Variants in ATXN2 observed in about 807,000 individuals in gnomAD.
ATXN2 encodes the protein ataxin-2.
In ATXN2, 37 loss-of-function variants were observed where a neutral mutation model predicts 138.6. That is an observed-to-expected ratio of 0.27 (90% CI 0.21 to 0.35). ATXN2 has a LOEUF of 0.35. ATXN2 is among the 10% of genes least tolerant of loss of function. The pLI is 1.00. For synonymous variants in ATXN2, 549 were observed against 543.7 expected, an observed-to-expected ratio of 1.01 and a Z score of -0.13; for missense variants, 1,216 against 1,480.3, an observed-to-expected ratio of 0.82 and a Z score of 2.93.
chr12:111,572,011 C>CA (rs10632970), intron 1 of ATXN2, among the ~76,000 whole-genome samples: 3,780 of 89,516 alleles, frequency 0.042, 158 homozygotes, highest in African/African-American at 0.12. Context: ...GACTCTGTCT[C>CA]AAAAAAAAAA....
chr12:111,598,122 C>T lies in ATXN2; in HGVS notation c.251+662G>A. On this transcript the variant is annotated intron_variant, in intron 1 of 24. Transcript: ENST00000673436. The surrounding 1 kb of genome is among the most constrained non-coding windows in gnomAD (Gnocchi z 4.5). ...CCACGATTTCAGGGGAGTTCGGGAG[C>T]CCCCGCCGCCGCCTCGGACACGAAC... 9.0e-7 allele frequency: 1 copy of T among 1,105,868 alleles called. No individual in the cohort carries two copies. The highest frequency in any genetic ancestry group is 1.1e-6 in the Non-Finnish European group (1 of 896,380). 68.5% of individuals were successfully genotyped at this position (1,105,868 alleles called of 1,614,324 possible). A position where few individuals can be genotyped will look rare whatever the true frequency, so the allele number is the denominator to read the frequency against.
chr12:111,538,440 C>T (rs1264449669), intron 5 of ATXN2, among the ~76,000 whole-genome samples: 1 of 151,846 alleles, frequency 6.6e-6, no homozygotes, highest in Non-Finnish European at 1.5e-5. Flanking sequence ...GCCTCAATCT[C>T]CCTGCGCTCA....
intron 14 of ATXN2, among the ~76,000 whole-genome samples, chr12:111,503,611 T>C (rs1238996032): frequency 2.6e-5 from 4 of 152,022 alleles, no homozygotes; most frequent in Non-Finnish European, 5.9e-5. Context: ...ACTCTCTTTT[T>C]TTTTCTTTGA....
intron 23 of ATXN2, chr12:111,455,440 GAAAA>G: frequency 3.0e-6 from 1 of 331,668 alleles, no homozygotes; most frequent in Non-Finnish European, 5.7e-6. Flanking sequence ...TGCTCTTAAA[GAAAA>G]ATGGGACCAC....
At chr12:111,525,396 CAT>C (rs779676065) in intron 5 of ATXN2, 80 bp from the exon 6 acceptor site, 28 of 1,336,170 alleles carry the variant, frequency 2.1e-5, no homozygotes, top group Non-Finnish European at 2.8e-5. Flanking sequence ...CCAACAAAGA[CAT>C]ATGTTAAAAA....
At chr12:111,566,262 G>A (rs1018641346) in intron 1 of ATXN2, among the ~76,000 whole-genome samples, 1 of 151,612 alleles carries the variant, frequency 6.6e-6, no homozygotes, top group African/African-American at 2.4e-5. Context: ...GAGAAACCCC[G>A]CCTCTACTAA....
At chr12:111,553,961 G>A (rs1375425467) in intron 3 of ATXN2, among the ~76,000 whole-genome samples, 197 bp downstream of exon 3, 3 of 152,094 alleles carry the variant, frequency 2.0e-5, no homozygotes, top group Non-Finnish European at 4.4e-5. Flanking sequence ...ACCCACAGAT[G>A]CAGAGGACCA....
At chr12:111,596,220 AC>A (rs1301155376) in intron 1 of ATXN2, among the ~76,000 whole-genome samples, 3 of 151,220 alleles carry the variant, frequency 2.0e-5, no homozygotes, top group Non-Finnish European at 4.4e-5. Flanking sequence ...ACACACACAC[AC>A]ACACACACAC....
intron 1 of ATXN2, among the ~76,000 whole-genome samples, chr12:111,563,229 G>A (rs1882796380): frequency 6.6e-6 from 1 of 152,050 alleles, no homozygotes; most frequent in Non-Finnish European, 1.5e-5. Flanking sequence ...ATAACCGAAG[G>A]TAACAATCCT....
At chr12:111,593,187 G>A (rs1426974399) in intron 1 of ATXN2, among the ~76,000 whole-genome samples, 3 of 151,724 alleles carry the variant, frequency 2.0e-5, no homozygotes, top group Admixed American at 6.6e-5. Flanking sequence ...TGCAACCTCC[G>A]GGATCAAGCA....
At chr12:111,489,763 A>T (rs1877898146) in intron 14 of ATXN2, among the ~76,000 whole-genome samples, 1 of 152,024 alleles carries the variant, frequency 6.6e-6, no homozygotes, top group South Asian at 2.1e-4. Context: ...CTCATTTAAA[A>T]AATAATAATA....
At chr12:111,511,780 T>A (rs888245071) in intron 11 of ATXN2, 4 of 152,044 alleles carry the variant, frequency 2.6e-5, no homozygotes, top group African/African-American at 9.7e-5. Context: ...AGAAGATTTT[T>A]AAAATTTTTG....
intron 1 of ATXN2, among the ~76,000 whole-genome samples, chr12:111,567,386 G>A (rs1883069619): frequency 6.6e-6 from 1 of 151,952 alleles, no homozygotes; most frequent in Admixed American, 6.6e-5. Context: ...TGTAGTCCCA[G>A]ATACTCAGGA....
chr12:111,575,944 C>A (rs1421703099), intron 1 of ATXN2, among the ~76,000 whole-genome samples: 4 of 151,826 alleles, frequency 2.6e-5, no homozygotes, highest in Non-Finnish European at 5.9e-5. Flanking sequence ...TAGCCAGGCA[C>A]GGTGGTGGGC....
Position 111,485,844 on chromosome 12 carries a change from T to C in ATXN2, c.2326A>G (p.Thr776Ala), listed in dbSNP as rs146752713. ...GGTTGTGCTTGAGGCCGAGGTGAAG[T>C]TGGGGTAGTAGAAGGCTTTGGCTAC... ...FSQPKPSTTP[T>A]SPRPQAQPSP... Residue 776 changes from threonine to alanine, a missense_variant, in exon 17 of 25, where the codon ACT (threonine) becomes GCT (alanine). Around this residue, in one of 4 missense-constraint regions of ATXN2, gnomAD observed 490 missense variants for 653.5 expected, o/e 0.75. Coordinates refer to ENST00000673436, the MANE Select transcript of ATXN2 (RefSeq NM_001372574.1). 124 of 1,613,868 alleles carry C rather than the reference T, an allele frequency of 7.7e-5. No individual in the cohort carries two copies. The highest frequency in any genetic ancestry group is 1.2e-4 in the African/African-American group (9 of 74,902).
chr12:111,453,199 A>T lies in ATXN2; in HGVS notation c.3440-359T>A, dbSNP rs1874799110. On this transcript the variant is annotated intron_variant, in intron 24 of 24. Coordinates refer to ENST00000673436, the MANE Select transcript of ATXN2 (RefSeq NM_001372574.1). The surrounding 1 kb of genome is among the most constrained non-coding windows in gnomAD (Gnocchi z 5.4). ...TGGCAGCCATCAAGTAGTAGAGCAC[A>T]ATCACAGGGCGCTCTCCCCTGTTCA... 2 of 1,104,014 alleles carry T rather than the reference A, an allele frequency of 1.8e-6. No individual in the cohort carries two copies. Among genetic ancestry groups the T allele is most frequent in the Non-Finnish European group, 2.2e-6 (2 of 905,564 alleles). The allele number at this position is 1,104,014 out of a possible 1,614,324, so 68.4% of individuals were successfully genotyped here.
chr12:111,567,074 A>T (rs754802007), intron 1 of ATXN2, among the ~76,000 whole-genome samples: 32 of 152,334 alleles, frequency 2.1e-4, no homozygotes, highest in Admixed American at 5.9e-4. Context: ...AATTGCTGCA[A>T]TCTCATGATA....
intron 15 of ATXN2, 90 bp from the exon 16 acceptor site, chr12:111,486,914 A>G: frequency 9.2e-7 from 1 of 1,082,688 alleles, no homozygotes; most frequent in Admixed American, 2.3e-5. Flanking sequence ...AAAATTGCTA[A>G]ATATAGATTT....
At chr12:111,542,188 T>C (rs1881557106) in intron 5 of ATXN2, among the ~76,000 whole-genome samples, 1 of 141,742 alleles carries the variant, frequency 7.1e-6, no homozygotes, top group African/African-American at 2.5e-5. Context: ...TTATGTCTCC[T>C]TCAGCTGTGT....
Sources: gnomAD v4.1 joint callset for allele counts (sites outside exome capture counted in the v4.1 genomes callset) on GRCh38, gnomAD v4.1.1 for gene constraint, gnomAD v4.1.1 regional missense constraint, Gnocchi (gnomAD v3.1) non-coding constraint, MANE v1.5 for transcripts, NCBI Gene and HGNC (gene_info 2026-07-23, HGNC 2026-07-21) for gene names.